The following GALNT2 variants were observed in gnomAD, a reference collection of about 807,000 sequenced individuals.
GALNT2 encodes polypeptide N-acetylgalactosaminyltransferase 2.
In GALNT2, 31 loss-of-function variants were observed where a neutral mutation model predicts 81.4. The observed-to-expected ratio is 0.38, with a 90% CI of 0.29 to 0.51. The LOEUF is 0.51. Ranked by LOEUF, GALNT2 falls within the 20% of genes least tolerant of loss-of-function variation. The pLI, the probability that GALNT2 is intolerant of heterozygous loss-of-function variation, is 0.87. For synonymous variants in GALNT2, 303 were observed against 287.4 expected, an observed-to-expected ratio of 1.05 and a Z score of -0.55; for missense variants, 629 against 765.7, an observed-to-expected ratio of 0.82 and a Z score of 2.11.
intron 1 of GALNT2, among the ~76,000 whole-genome samples, chr1:230,069,457 T>C (rs1240405832): frequency 6.6e-6 from 1 of 152,174 alleles, no homozygotes; most frequent in African/African-American, 2.4e-5. Context: ...GCTTTAGTGA[T>C]TTGTCGGTTG....
At chr1:230,145,855 T>G (rs1178017909) in intron 1 of GALNT2, among the ~76,000 whole-genome samples, 1 of 152,222 alleles carries the variant, frequency 6.6e-6, no homozygotes, top group Non-Finnish European at 1.5e-5. Context: ...GAGGTAGCAT[T>G]TCGGCTTGCT....
At chr1:230,113,385 G>A (rs1247891801) in intron 1 of GALNT2, among the ~76,000 whole-genome samples, 2 of 152,070 alleles carry the variant, frequency 1.3e-5, no homozygotes, top group Non-Finnish European at 2.9e-5. Context: ...TACATGGCGG[G>A]CAAACTCCAG....
At chr1:230,156,829 G>C (rs1303058285) in intron 1 of GALNT2, among the ~76,000 whole-genome samples, 1 of 152,190 alleles carries the variant, frequency 6.6e-6, no homozygotes, top group Non-Finnish European at 1.5e-5. Context: ...AAGATGAAAT[G>C]TTGGGGAGAC....
intron 11 of GALNT2, among the ~76,000 whole-genome samples, chr1:230,258,062 G>T (rs888792716): frequency 2.3e-4 from 35 of 152,070 alleles, no homozygotes; most frequent in African/African-American, 8.2e-4. Context: ...TTACAGGCAT[G>T]TGCCACCATG....
chr1:230,067,980 C>T (rs181634372), intron 1 of GALNT2, among the ~76,000 whole-genome samples: 3 of 152,274 alleles, frequency 2.0e-5, no homozygotes, highest in Non-Finnish European at 4.4e-5. Flanking sequence ...AGCCCCAGGG[C>T]CCGTGCGAGC....
intron 2 of GALNT2, among the ~76,000 whole-genome samples, chr1:230,179,292 T>C (rs561294871): frequency 6.6e-6 from 1 of 152,246 alleles, no homozygotes; most frequent in Non-Finnish European, 1.5e-5. Flanking sequence ...TAGACATAAG[T>C]TTTCAGCTCA....
chr1:230,242,898 A>G (rs978977039), intron 6 of GALNT2, among the ~76,000 whole-genome samples: 5 of 152,202 alleles, frequency 3.3e-5, no homozygotes, highest in African/African-American at 1.2e-4. Context: ...TGCAAATATT[A>G]TCACCACTAA....
At chr1:230,116,670 G>A (rs2102796031) in intron 1 of GALNT2, among the ~76,000 whole-genome samples, 3 of 152,346 alleles carry the variant, frequency 2.0e-5, no homozygotes, top group Middle Eastern at 6.8e-3. Flanking sequence ...GTGACCAGGT[G>A]TGTCATCAGT....
chr1:230,210,722 G>A (rs1664208075), intron 3 of GALNT2, among the ~76,000 whole-genome samples: 1 of 152,328 alleles, frequency 6.6e-6, no homozygotes, highest in African/African-American at 2.4e-5. Flanking sequence ...CCAAAACATA[G>A]GTCAAAGCTC....
intron 14 of GALNT2, among the ~76,000 whole-genome samples, chr1:230,269,878 CAG>C (rs1229318733): frequency 1.3e-5 from 2 of 152,170 alleles, no homozygotes; most frequent in Non-Finnish European, 2.9e-5. Flanking sequence ...GCCTGAACAA[CAG>C]AGTGAGACCA....
Position 230,250,410 on chromosome 1 carries a change from T to G in GALNT2, c.906-47T>G, listed in dbSNP as rs549700495. ...CGCAAGGGTGCTGGCAATCTAACCT[T>G]GACTTTGCCCTCTCCTCCCTCCCCC... On this transcript the variant is annotated intron_variant, in intron 9 of 15. Coordinates refer to ENST00000366672, the MANE Select transcript of GALNT2 (RefSeq NM_004481.5). The G allele has an allele frequency of 6.2e-5, 90 of 1,461,450 alleles. 1 individual carries two copies. The South Asian group carries it at 9.3e-4, about 15-fold the overall frequency. 90.5% of individuals were successfully genotyped at this position (1,461,450 alleles called of 1,614,324 possible). A position where few individuals can be genotyped will look rare whatever the true frequency, so the allele number is the denominator to read the frequency against.
intron 1 of GALNT2, among the ~76,000 whole-genome samples, chr1:230,059,717 A>G (rs1336897844): frequency 6.6e-6 from 1 of 152,196 alleles, no homozygotes; most frequent in Non-Finnish European, 1.5e-5. Flanking sequence ...AAAGTTGCAA[A>G]AATAGTGCAG....
intron 15 of GALNT2, among the ~76,000 whole-genome samples, chr1:230,276,300 AAC>A (rs1447543220): frequency 6.6e-6 from 1 of 152,078 alleles, no homozygotes; most frequent in African/African-American, 2.4e-5. Flanking sequence ...GGCATGGGGT[AAC>A]AGTTAGTGTC....
In GALNT2 at chr1:230,271,788, C is replaced by T. The variant is rs560938520; in HGVS notation, c.1441-2657C>T. Reference sequence around the variant, plus strand: ...CTCTCCAGGTGTGCCGCTCTCCCAGCGCCTCCGCATGTCCGGCAGCCACAT... The same window carrying T: ...CTCTCCAGGTGTGCCGCTCTCCCAGTGCCTCCGCATGTCCGGCAGCCACAT... On this transcript the variant is annotated intron_variant, in intron 14 of 15. Coordinates refer to ENST00000366672, the MANE Select transcript of GALNT2 (RefSeq NM_004481.5). The surrounding 1 kb of genome is among the most constrained non-coding windows in gnomAD (Gnocchi z 4.2). Among the ~76,000 whole-genome samples the T allele has an allele frequency of 8.5e-5, 13 of 152,230 alleles. No individual in the cohort carries two copies. Among genetic ancestry groups the T allele is most frequent in the East Asian group, 1.9e-4 (1 of 5,196 alleles).
intron 3 of GALNT2, among the ~76,000 whole-genome samples, chr1:230,218,476 G>T (rs987965352): frequency 1.3e-5 from 2 of 152,208 alleles, no homozygotes; most frequent in Non-Finnish European, 2.9e-5. Context: ...GGGCTGCCGT[G>T]TGAGGACTAA....
At chr1:230,143,828 C>T (rs1661827671) in intron 1 of GALNT2, among the ~76,000 whole-genome samples, 1 of 152,238 alleles carries the variant, frequency 6.6e-6, no homozygotes, top group Non-Finnish European at 1.5e-5. Context: ...TGTCGCCCTG[C>T]TCAGCGATCA....
intron 3 of GALNT2, among the ~76,000 whole-genome samples, chr1:230,205,112 G>C (rs1664020031): frequency 6.6e-6 from 1 of 152,208 alleles, no homozygotes; most frequent in South Asian, 2.1e-4. Flanking sequence ...GAGTTTCAGG[G>C]ATTGATGGGG....
At chr1:230,171,854 T>G (rs1176295418) in intron 1 of GALNT2, among the ~76,000 whole-genome samples, 2 of 152,300 alleles carry the variant, frequency 1.3e-5, no homozygotes, top group East Asian at 3.9e-4. Flanking sequence ...CAGCGTGAGA[T>G]GAAGCCACAT....
At chr1:230,136,360 A>G (rs1661538273) in intron 1 of GALNT2, among the ~76,000 whole-genome samples, 1 of 152,188 alleles carries the variant, frequency 6.6e-6, no homozygotes, top group Non-Finnish European at 1.5e-5. Context: ...TAACCCTGCC[A>G]TAGAGCTCCA....
Sources: allele counts gnomAD v4.1 joint callset (sites outside exome capture counted in the v4.1 genomes callset), GRCh38; gene constraint gnomAD v4.1.1; non-coding constraint Gnocchi (gnomAD v3.1); transcripts MANE v1.5; gene names NCBI Gene and HGNC (gene_info 2026-07-23, HGNC 2026-07-21).